NELL1: variants seen among roughly 807,000 people sequenced by gnomAD.
NELL1 encodes the protein protein kinase C-binding protein NELL1.
In NELL1, 76 loss-of-function variants were observed where a neutral mutation model predicts 107.4. The observed-to-expected ratio is 0.71, with a 90% CI of 0.59 to 0.86. NELL1 has a LOEUF of 0.86. Ranked by LOEUF, NELL1 falls within the 40% of genes least tolerant of loss-of-function variation. The probability of loss-of-function intolerance (pLI) is 0.00; values close to 1 mark genes in which losing one functional copy is unlikely to be tolerated. For missense variants in NELL1, 1,024 were observed against 1,005.5 expected (o/e 1.02, Z -0.25); for synonymous variants, 353 against 341.2 (o/e 1.03, Z -0.38).
intron 5 of NELL1, among the ~76,000 whole-genome samples, chr11:20,911,388 C>A (rs1260983131): frequency 6.6e-6 from 1 of 151,954 alleles, no homozygotes; most frequent in African/African-American, 2.4e-5. Flanking sequence ...GTAGGTCAGG[C>A]AATTGGACTC....
intron 3 of NELL1, among the ~76,000 whole-genome samples, chr11:20,844,818 T>G (rs1848676913): frequency 6.6e-6 from 1 of 152,208 alleles, no homozygotes; most frequent in African/African-American, 2.4e-5. Flanking sequence ...GTTATCCCAA[T>G]AATCTGAATT....
chr11:20,839,423 A>G (rs941166174), intron 3 of NELL1, among the ~76,000 whole-genome samples: 1 of 152,212 alleles, frequency 6.6e-6, no homozygotes, highest in Admixed American at 6.5e-5. Flanking sequence ...TAAACAAGAG[A>G]AAGGGAGAGA....
chr11:21,468,750 G>A (rs1023281589), intron 15 of NELL1, among the ~76,000 whole-genome samples: 6 of 152,044 alleles, frequency 3.9e-5, no homozygotes, highest in Non-Finnish European at 8.8e-5. Context: ...GAGGAGCCAG[G>A]AGCCATGATG....
At chr11:21,055,751 A>G (rs1853599667) in intron 12 of NELL1, among the ~76,000 whole-genome samples, 2 of 152,138 alleles carry the variant, frequency 1.3e-5, no homozygotes, top group Non-Finnish European at 2.9e-5. Context: ...TCAAGGCAAA[A>G]CACTGGGTCA....
chr11:21,281,065 G>A (rs867603559), intron 14 of NELL1, among the ~76,000 whole-genome samples: 27 of 151,502 alleles, frequency 1.8e-4, no homozygotes, highest in African/African-American at 4.8e-4. Context: ...TTCTGCTTGA[G>A]GAGAGGGAAG....
chr11:21,076,610 T>C (rs907458774), intron 12 of NELL1, among the ~76,000 whole-genome samples: 1 of 152,222 alleles, frequency 6.6e-6, no homozygotes, highest in Non-Finnish European at 1.5e-5. Flanking sequence ...GGTTTATTCA[T>C]GTTGCTATAA....
chr11:20,678,334 A>G lies in NELL1; in HGVS notation c.184+274A>G, dbSNP rs77946966. Among the ~76,000 whole-genome samples the G allele has an allele frequency of 8.5e-5, 13 of 152,282 alleles. No individual in the cohort carries two copies. In the East Asian group the frequency reaches 2.5e-3, roughly 29 times the overall value. The stretch of plus-strand genomic sequence containing the variant: ...TGGATTTATAACATACTTGAAAGCC[A>G]TTGACCATCTATATTATTGTTACAG... On this transcript the variant is annotated intron_variant, in intron 2 of 19. Transcript: ENST00000357134.
intron 2 of NELL1, among the ~76,000 whole-genome samples, chr11:20,748,255 C>T (rs1856048023): frequency 6.6e-6 from 1 of 152,126 alleles, no homozygotes; most frequent in Non-Finnish European, 1.5e-5. Context: ...CAGTGTCTTA[C>T]CACTCACCTC....
At position 20,726,475 on chromosome 11, in the gene NELL1, C is replaced by T. The variant is rs139003265; in HGVS notation, c.184+48415C>T. ...ATAACCATAATCTGACTTCTATCAT[C>T]GATTAGTTTTGCATAGTATTGAACT... On this transcript the variant is annotated intron_variant, in intron 2 of 19. Transcript: ENST00000357134. Among the ~76,000 whole-genome samples, 1,263 of 151,932 alleles carry T rather than the reference C, an allele frequency of 8.3e-3. 10 individuals are homozygous for T. Among genetic ancestry groups the T allele is most frequent in the Non-Finnish European group, 0.014 (949 of 67,960 alleles).
chr11:21,487,603 A>G (rs962465990), intron 15 of NELL1, among the ~76,000 whole-genome samples: 3 of 138,138 alleles, frequency 2.2e-5, no homozygotes, highest in African/African-American at 8.3e-5. Flanking sequence ...ATGACAAATA[A>G]TAAGATAAAA....
intron 16 of NELL1, among the ~76,000 whole-genome samples, chr11:21,541,087 T>C (rs1471201641): frequency 6.6e-6 from 1 of 152,162 alleles, no homozygotes; most frequent in Non-Finnish European, 1.5e-5. Flanking sequence ...TTGATAGATT[T>C]TTATCAATTA....
chr11:21,526,820 G>A (rs1197167599), intron 15 of NELL1, among the ~76,000 whole-genome samples: 1 of 152,200 alleles, frequency 6.6e-6, no homozygotes, highest in Admixed American at 6.5e-5. Context: ...CACAGCAGAG[G>A]GGCCCTGGAC....
At chr11:21,234,024 C>T (rs1858133982) in intron 14 of NELL1, among the ~76,000 whole-genome samples, 1 of 152,118 alleles carries the variant, frequency 6.6e-6, no homozygotes, top group South Asian at 2.1e-4. Flanking sequence ...ATTCTTCCAA[C>T]CCAACGGAAC....
At chr11:21,323,158 A>G (rs188391167) in intron 14 of NELL1, among the ~76,000 whole-genome samples, 1 of 152,282 alleles carries the variant, frequency 6.6e-6, no homozygotes, top group African/African-American at 2.4e-5. Context: ...CTTTATTATT[A>G]TCTGGTTGGT....
At chr11:21,319,108 AC>A (rs1849945033) in intron 14 of NELL1, among the ~76,000 whole-genome samples, 1 of 151,184 alleles carries the variant, frequency 6.6e-6, no homozygotes, top group Non-Finnish European at 1.5e-5. Context: ...TCGTTTAACT[AC>A]TAAGAGTGAC....
At chr11:21,062,001 T>C (rs1853753615) in intron 12 of NELL1, among the ~76,000 whole-genome samples, 2 of 152,180 alleles carry the variant, frequency 1.3e-5, no homozygotes, top group African/African-American at 4.8e-5. Flanking sequence ...GACCATACAT[T>C]CTCCAGATTG....
chr11:21,390,355 T>C (rs1851841145), intron 15 of NELL1, among the ~76,000 whole-genome samples: 1 of 143,166 alleles, frequency 7.0e-6, no homozygotes, highest in Admixed American at 7.1e-5. Context: ...TTCCCATCTC[T>C]ATAATAACAA....
intron 2 of NELL1, among the ~76,000 whole-genome samples, chr11:20,705,887 T>C (rs1310766416): frequency 6.6e-6 from 1 of 152,132 alleles, no homozygotes; most frequent in Non-Finnish European, 1.5e-5. Flanking sequence ...TAAGAAGACA[T>C]TTATGCAGCC....
At chr11:21,332,569 A>G (rs1427055457) in intron 14 of NELL1, among the ~76,000 whole-genome samples, 2 of 152,020 alleles carry the variant, frequency 1.3e-5, no homozygotes, top group Non-Finnish European at 2.9e-5. Context: ...TGCTTATGGT[A>G]GAAGGTATAG....
Sources: allele counts gnomAD v4.1 joint callset (sites outside exome capture counted in the v4.1 genomes callset), GRCh38; gene constraint gnomAD v4.1.1; transcripts MANE v1.5; gene names NCBI Gene and HGNC (gene_info 2026-07-23, HGNC 2026-07-21).